Variants in TRIP12 observed in about 807,000 individuals in gnomAD.
TRIP12 encodes E3 ubiquitin-protein ligase TRIP12.
TRIP12 carries 25 observed loss-of-function variants against 244.2 expected under a neutral mutation model. The observed-to-expected ratio is 0.10, with a 90% CI of 0.07 to 0.14. The LOEUF (loss-of-function observed/expected upper bound fraction) is 0.14, where lower values mean the gene tolerates loss of function less well. Ranked by LOEUF, TRIP12 falls within the 10% of genes least tolerant of loss-of-function variation. TRIP12 has a pLI of 1.00. For synonymous variants in TRIP12, 905 were observed against 873.1 expected, an observed-to-expected ratio of 1.04 and a Z score of -0.64; for missense variants, 1,677 against 2,486.4, an observed-to-expected ratio of 0.67 and a Z score of 6.92.
chr2:229,770,140 A>T lies in TRIP12; in HGVS notation c.5809-815T>A, dbSNP rs531902669. ...TGCATACCACCACGCCCAGCTAATTATTTTTTTTATTTTAGACAAGGTCTC... is the reference window on the plus strand; with the variant it reads ...TGCATACCACCACGCCCAGCTAATTTTTTTTTTTATTTTAGACAAGGTCTC... On this transcript the variant is annotated intron_variant, in intron 39 of 41. Coordinates refer to ENST00000675903, the MANE Select transcript of TRIP12 (RefSeq NM_001348323.3). Among the ~76,000 whole-genome samples the T allele has an allele frequency of 3.0e-3, 449 of 151,954 alleles. 6 individuals carry two copies. Among genetic ancestry groups the T allele is most frequent in the Non-Finnish European group, 4.0e-3 (275 of 67,936 alleles).
rs184812872 is a variant in TRIP12, at chr2:229,849,176, G to C, written c.1028-8249C>G. The stretch of plus-strand genomic sequence containing the variant: ...ACAATTAGTAAGGAATGTGGAGTTT[G>C]AGTAAGTTCATGGGAAAGTAAGGAA... On this transcript the variant is annotated intron_variant, in intron 4 of 41. Coordinates refer to ENST00000675903, the MANE Select transcript of TRIP12 (RefSeq NM_001348323.3). Among the ~76,000 whole-genome samples the C allele has an allele frequency of 1.3e-4, 20 of 152,328 alleles. No homozygotes were observed. The East Asian group carries it at 1.9e-3, about 15-fold the overall frequency.
chr2:229,910,273 C>G (rs553186976), intron 1 of TRIP12, among the ~76,000 whole-genome samples: 1 of 152,288 alleles, frequency 6.6e-6, no homozygotes, highest in Non-Finnish European at 1.5e-5. Flanking sequence ...TGAAAAAGTT[C>G]TAAGTTTCTT....
chr2:229,881,132 C>A (rs763264071), intron 1 of TRIP12, among the ~76,000 whole-genome samples: 1 of 152,174 alleles, frequency 6.6e-6, no homozygotes, highest in Non-Finnish European at 1.5e-5. Flanking sequence ...AAAACCAGTA[C>A]GTTACCTACC....
intron 34 of TRIP12, among the ~76,000 whole-genome samples, chr2:229,781,671 A>C (rs1375374638): frequency 6.6e-6 from 1 of 152,216 alleles, no homozygotes; most frequent in African/African-American, 2.4e-5. Flanking sequence ...CTTACCAATC[A>C]TCCCAATTCA....
At chr2:229,848,112 T>TA (rs1396303489) in intron 4 of TRIP12, among the ~76,000 whole-genome samples, 2 of 152,114 alleles carry the variant, frequency 1.3e-5, no homozygotes, top group Non-Finnish European at 2.9e-5. Flanking sequence ...AAAATAATGA[T>TA]AAGAGGAAGT....
intron 5 of TRIP12, 90 bp downstream of exon 5, chr2:229,840,732 A>C (rs2056210481): frequency 1.1e-6 from 1 of 931,138 alleles, no homozygotes; most frequent in Non-Finnish European, 1.6e-6. Context: ...AAAACAAAAA[A>C]CAACCTATGG....
At chr2:229,838,713 A>C (rs2055527725) in intron 5 of TRIP12, among the ~76,000 whole-genome samples, 1 of 152,236 alleles carries the variant, frequency 6.6e-6, no homozygotes, top group African/African-American at 2.4e-5. Flanking sequence ...AAAATAGGAC[A>C]AAAACTCTGG....
At chr2:229,831,585 C>T (rs992919428) in intron 6 of TRIP12, among the ~76,000 whole-genome samples, 4 of 152,148 alleles carry the variant, frequency 2.6e-5, no homozygotes, top group Non-Finnish European at 5.9e-5. Context: ...GTGCCGTGAT[C>T]GTGCCACTGC....
intron 4 of TRIP12, among the ~76,000 whole-genome samples, chr2:229,843,536 T>C: frequency 6.6e-6 from 1 of 152,052 alleles, no homozygotes; most frequent in East Asian, 1.9e-4. Context: ...GAGACCAGCC[T>C]GGGCAACGCA....
At chr2:229,832,628 T>A (rs192115427) in intron 6 of TRIP12, among the ~76,000 whole-genome samples, 1 of 152,344 alleles carries the variant, frequency 6.6e-6, no homozygotes, top group Admixed American at 6.5e-5. Flanking sequence ...AAAGGTATTA[T>A]AATCATCATG....
At chr2:229,832,602 T>A (rs2154300339) in intron 6 of TRIP12, among the ~76,000 whole-genome samples, 1 of 152,344 alleles carries the variant, frequency 6.6e-6, no homozygotes, top group South Asian at 2.1e-4. Flanking sequence ...TGTCTAAGTT[T>A]CCTCATAACT....
chr2:229,832,566 A>T (rs2053720624), intron 6 of TRIP12, among the ~76,000 whole-genome samples: 1 of 152,256 alleles, frequency 6.6e-6, no homozygotes, highest in Non-Finnish European at 1.5e-5. Context: ...GCATTTATGA[A>T]AACGCTTACC....
chr2:229,835,931 G>GA (rs1559744271), intron 6 of TRIP12, among the ~76,000 whole-genome samples: 2 of 151,854 alleles, frequency 1.3e-5, no homozygotes, highest in Non-Finnish European at 2.9e-5. Context: ...ACAAATATGG[G>GA]AAAAAACTCC....
chr2:229,782,236 C>T (rs1471212555), intron 34 of TRIP12, among the ~76,000 whole-genome samples: 4 of 151,784 alleles, frequency 2.6e-5, no homozygotes, highest in Non-Finnish European at 5.9e-5. Context: ...TCAAAAAATC[C>T]GTATCTCTTA....
At chr2:229,856,411 A>G (rs2154333669) in intron 4 of TRIP12, among the ~76,000 whole-genome samples, 1 of 152,346 alleles carries the variant, frequency 6.6e-6, no homozygotes, top group Non-Finnish European at 1.5e-5. Flanking sequence ...TGATTGAAAC[A>G]CCAAGGAGAA....
At chr2:229,787,343 A>G (rs1047859607) in intron 33 of TRIP12, among the ~76,000 whole-genome samples, 162 bp downstream of exon 33, 6 of 152,218 alleles carry the variant, frequency 3.9e-5, no homozygotes, top group Admixed American at 6.5e-5. Flanking sequence ...AGAATAAGGA[A>G]GAATCACAGC....
chr2:229,827,597 C>A (rs2052072026), intron 8 of TRIP12, among the ~76,000 whole-genome samples: 1 of 152,076 alleles, frequency 6.6e-6, no homozygotes, highest in Non-Finnish European at 1.5e-5. Context: ...ATCTTATGTC[C>A]CACTGGAAGG....
intron 5 of TRIP12, among the ~76,000 whole-genome samples, chr2:229,837,997 T>C (rs1287338062): frequency 6.6e-6 from 1 of 152,178 alleles, no homozygotes; most frequent in African/African-American, 2.4e-5. Context: ...TCAAACTTGA[T>C]AGCATTTAAA....
At chr2:229,807,413 C>T (rs1473573958) in intron 17 of TRIP12, 7 of 373,374 alleles carry the variant, frequency 1.9e-5, no homozygotes, top group Non-Finnish European at 3.0e-5. Context: ...ATTTTAGAAA[C>T]CTACGGCCTA....
Sources: gnomAD v4.1 joint callset for allele counts (sites outside exome capture counted in the v4.1 genomes callset) on GRCh38, gnomAD v4.1.1 for gene constraint, MANE v1.5 for transcripts, NCBI Gene and HGNC (gene_info 2026-07-23, HGNC 2026-07-21) for gene names.